Variants in CHTF8 observed in about 807,000 individuals in gnomAD.
CHTF8 encodes chromosome transmission fidelity factor 8, also known as chromosome transmission fidelity protein 8 homolog.
In CHTF8, 6 loss-of-function variants were observed where a neutral mutation model predicts 11.0. That is an observed-to-expected ratio of 0.55 (90% confidence interval 0.30 to 1.08). The LOEUF (loss-of-function observed/expected upper bound fraction) is 1.08. CHTF8 is among the 50% of genes least tolerant of loss of function. The probability of loss-of-function intolerance (pLI) is 0.07; values close to 1 mark genes in which losing one functional copy is unlikely to be tolerated. For synonymous variants in CHTF8, 53 were observed against 60.5 expected (o/e 0.88, Z 0.57); for missense variants, 140 against 153.1 (o/e 0.91, Z 0.45).
In CHTF8 at chr16:69,118,178, T is replaced by C; in HGVS notation, c.*2247A>G. On this transcript the variant is annotated 3_prime_UTR_variant, in exon 4 of 4. Coordinates refer to ENST00000448552, the MANE Select transcript of CHTF8 (RefSeq NM_001039690.5). ...ATCCACATCAGTTTAAATTTTGAGG[T>C]TCTTTGATTGATTGGGAGTACCAGT... 3.7e-6 allele frequency: 2 copies of C among 534,498 alleles called. No individual in the cohort carries two copies. Among genetic ancestry groups the C allele is most frequent in the Non-Finnish European group, 3.3e-6 (1 of 302,146 alleles). The allele number at this position is 534,498 out of a possible 1,614,324, so 33.1% of individuals were successfully genotyped here.
rs76061767 is a variant in CHTF8 at position 69,131,620 on chromosome 16, C to T, written c.-36+864G>A. Among the ~76,000 whole-genome samples, 639 of 148,040 alleles carry T rather than the reference C, an allele frequency of 4.3e-3. 24 individuals are homozygous for T. In the South Asian group the frequency reaches 0.085, roughly 20 times the overall value. On this transcript the variant is annotated intron_variant, in intron 1 of 3. Coordinates refer to ENST00000448552, the MANE Select transcript of CHTF8 (RefSeq NM_001039690.5). ...CCGCTTCCCCCCTCTTCTCCACCCC[C>T]CTCCAAATTACAAGCTGTTTTAACC... is the stretch of plus-strand genomic sequence containing the variant.
In CHTF8 at chr16:69,124,311, G is replaced by A. The variant is rs1354051407; in HGVS notation, c.-35-2818C>T. On this transcript the variant is annotated intron_variant, in intron 1 of 3. Transcript: ENST00000448552. ...TGGCTAAGTACTGTCAATGTATTATGCAGTTTAGTGGAAGGTTATTAGTTC... is the reference window on the plus strand; with the variant it reads ...TGGCTAAGTACTGTCAATGTATTATACAGTTTAGTGGAAGGTTATTAGTTC... 2.0e-5 allele frequency among the ~76,000 whole-genome samples: 3 copies of A among 152,160 alleles called. No individual in the cohort carries two copies. The South Asian group carries it at 6.2e-4, about 31-fold the overall frequency.
At chr16:69,128,040 G>A (rs967129639) in intron 1 of CHTF8, among the ~76,000 whole-genome samples, 6 of 152,050 alleles carry the variant, frequency 3.9e-5, no homozygotes, top group African/African-American at 7.2e-5. Flanking sequence ...TCAGCCTCCC[G>A]AGTAACTGGA....
In CHTF8 at chr16:69,127,802, G is replaced by A. The variant is rs79376390; in HGVS notation, c.-36+4682C>T. 4.3e-3 allele frequency among the ~76,000 whole-genome samples: 654 copies of A among 151,934 alleles called. 22 individuals carry two copies. In the South Asian group the frequency reaches 0.082, roughly 19 times the overall value. On this transcript the variant is annotated intron_variant, in intron 1 of 3. Coordinates refer to ENST00000448552, the MANE Select transcript of CHTF8 (RefSeq NM_001039690.5). Reference sequence around the variant, plus strand: ...TTTTTGTATTTTTAGTAGAGACAGGGTTTCACCATCTTGGCCAGGCTAGTC... The same window carrying A: ...TTTTTGTATTTTTAGTAGAGACAGGATTTCACCATCTTGGCCAGGCTAGTC...
At chr16:69,128,478 A>G in intron 1 of CHTF8, among the ~76,000 whole-genome samples, 1 of 152,208 alleles carries the variant, frequency 6.6e-6, no homozygotes, top group Non-Finnish European at 1.5e-5. Flanking sequence ...TCCTGTCCCC[A>G]ATCTCATGAG....
chr16:69,118,683 C>G lies in CHTF8; in HGVS notation c.*1742G>C. On this transcript the variant is annotated 3_prime_UTR_variant, in exon 4 of 4. Coordinates refer to ENST00000448552, the MANE Select transcript of CHTF8 (RefSeq NM_001039690.5). ...GCCACAGTTCACATGCCACAAATAA[C>G]ATCTCACCTTCAGTCAAGAAAAACG... The G allele has an allele frequency of 1.5e-6, 1 of 670,664 alleles. No individual in the cohort carries two copies. The highest frequency in any genetic ancestry group is 2.7e-6 in the Non-Finnish European group (1 of 370,114). 41.5% of individuals were successfully genotyped at this position (670,664 alleles called of 1,614,324 possible).
intron 1 of CHTF8, among the ~76,000 whole-genome samples, chr16:69,124,027 C>A (rs1172602262): frequency 6.6e-6 from 1 of 151,534 alleles, no homozygotes; most frequent in African/African-American, 2.4e-5. Context: ...TCAGTGGAAC[C>A]TGGGAGATAA....
intron 1 of CHTF8, among the ~76,000 whole-genome samples, chr16:69,125,584 C>T (rs1212785903): frequency 6.6e-6 from 1 of 152,188 alleles, no homozygotes. Flanking sequence ...AATATGGAAT[C>T]AAGAGAGCAT....
At position 69,119,783 on chromosome 16, in the gene CHTF8, C is replaced by A. The variant is rs576030478; in HGVS notation, c.*642G>T. The stretch of plus-strand genomic sequence containing the variant: ...GGGGCAGGGTTTGTCCCTAAAAAGC[C>A]TGATCTCAGATTGGGGTTTGGTCCT... On this transcript the variant is annotated 3_prime_UTR_variant, in exon 4 of 4. Transcript: ENST00000448552. 2 of 699,838 alleles carry A rather than the reference C, an allele frequency of 2.9e-6. No individual in the cohort carries two copies. The highest frequency in any genetic ancestry group is 1.8e-5 in the African/African-American group (1 of 57,122). 43.4% of individuals were successfully genotyped at this position (699,838 alleles called of 1,614,324 possible).
At position 69,119,954 on chromosome 16, in the gene CHTF8, G is replaced by A. The variant is rs764142457; in HGVS notation, c.*471C>T. 99 of 701,344 alleles carry A rather than the reference G, an allele frequency of 1.4e-4. No homozygotes were observed. Among genetic ancestry groups the A allele is most frequent in the Non-Finnish European group, 2.3e-4 (89 of 383,832 alleles). The allele number at this position is 701,344 out of a possible 1,614,324, so 43.4% of individuals were successfully genotyped here. On this transcript the variant is annotated 3_prime_UTR_variant, in exon 4 of 4. Coordinates refer to ENST00000448552, the MANE Select transcript of CHTF8 (RefSeq NM_001039690.5). ...GCTCCCAGGAGACCACCTGCCCTTG[G>A]GTTGGACATAGGACCTGGTCCTGGG...
intron 1 of CHTF8, among the ~76,000 whole-genome samples, chr16:69,128,324 C>T (rs577283306): frequency 8.5e-5 from 13 of 152,306 alleles, no homozygotes; most frequent in African/African-American, 2.9e-4. Flanking sequence ...CAGGGAGAGA[C>T]TTCTGTGATG....
At chr16:69,123,132 C>A (rs987364895) in intron 1 of CHTF8, among the ~76,000 whole-genome samples, 1 of 152,258 alleles carries the variant, frequency 6.6e-6, no homozygotes, top group South Asian at 2.1e-4. Context: ...TCATAGCTCA[C>A]TGAGGCCTTT....
intron 1 of CHTF8, among the ~76,000 whole-genome samples, chr16:69,129,013 G>A (rs746587668): frequency 1.3e-5 from 2 of 151,968 alleles, no homozygotes; most frequent in African/African-American, 2.4e-5. Flanking sequence ...ACAGTGAGCC[G>A]AGACTGTGCC....
chr16:69,120,048 G>T lies in CHTF8; in HGVS notation c.*377C>A. The stretch of plus-strand genomic sequence containing the variant: ...GAGCCCCTGTCCTAGGGTTTAGGGT[G>T]GGGCCTGGGCCTGGGCCTGGCCCCA... On this transcript the variant is annotated 3_prime_UTR_variant, in exon 4 of 4. Coordinates refer to ENST00000448552, the MANE Select transcript of CHTF8 (RefSeq NM_001039690.5). This position sits in a 1 kb window ranked among gnomAD's most constrained non-coding sequence, Gnocchi z 4.0. The T allele has an allele frequency of 1.5e-6, 1 of 689,234 alleles. No homozygotes were observed. The highest frequency in any genetic ancestry group is 1.5e-5 in the South Asian group (1 of 66,404). 42.7% of individuals were successfully genotyped at this position (689,234 alleles called of 1,614,324 possible).
intron 1 of CHTF8, among the ~76,000 whole-genome samples, chr16:69,129,087 A>C (rs972933434): frequency 2.6e-5 from 4 of 151,034 alleles, no homozygotes; most frequent in African/African-American, 9.8e-5. Context: ...ACTGAAACAA[A>C]ACAAAAAAAA....
Position 69,118,813 on chromosome 16 carries a change from A to C in CHTF8, c.*1612T>G, listed in dbSNP as rs1372594108. 3.0e-6 allele frequency: 2 copies of C among 673,810 alleles called. No homozygotes were observed. Among genetic ancestry groups the C allele is most frequent in the South Asian group, 3.2e-5 (2 of 62,108 alleles). 41.7% of individuals were successfully genotyped at this position (673,810 alleles called of 1,614,324 possible). On this transcript the variant is annotated 3_prime_UTR_variant, in exon 4 of 4. Transcript: ENST00000448552. ...TAAGACAGCCCCTGCCAAGAACCAC[A>C]GTGCCTAGAAACCAAGGTGGTCCTG...
intron 2 of CHTF8, 52 bp downstream of exon 2, chr16:69,121,384 C>A: frequency 6.6e-7 from 1 of 1,513,428 alleles, no homozygotes. Flanking sequence ...TGGCACACCT[C>A]TATAGCCCTC....
Position 69,120,926 on chromosome 16 carries a change from A to C in CHTF8, c.141+127T>G. 2 of 845,976 alleles carry C rather than the reference A, an allele frequency of 2.4e-6. No homozygotes were observed. The highest frequency in any genetic ancestry group is 4.2e-6 in the Non-Finnish European group (2 of 480,288). The allele number at this position is 845,976 out of a possible 1,614,324, so 52.4% of individuals were successfully genotyped here. A position where few individuals can be genotyped will look rare whatever the true frequency, so the allele number is the denominator to read the frequency against. ...AGAGGTAGGGGGAGAACAAGCAGAG[A>C]GCATCGCAGATTAGCTAGGCCTTGA... On this transcript the variant is annotated intron_variant, in intron 3 of 3. Transcript: ENST00000448552. This position sits in a 1 kb window ranked among gnomAD's most constrained non-coding sequence, Gnocchi z 4.0.
intron 1 of CHTF8, among the ~76,000 whole-genome samples, chr16:69,128,319 A>G (rs1290748833): frequency 6.6e-6 from 1 of 152,210 alleles, no homozygotes; most frequent in African/African-American, 2.4e-5. Flanking sequence ...AGAGCCAGGG[A>G]GAGACTTCTG....
Sources: gnomAD v4.1 joint callset for allele counts (sites outside exome capture counted in the v4.1 genomes callset) on GRCh38, gnomAD v4.1.1 for gene constraint, Gnocchi (gnomAD v3.1) non-coding constraint, MANE v1.5 for transcripts, NCBI Gene and HGNC (gene_info 2026-07-23, HGNC 2026-07-21) for gene names.